The following ALS2 variants were observed in gnomAD, a reference collection of about 807,000 sequenced individuals.
The protein encoded by ALS2 is alsin Rho guanine nucleotide exchange factor ALS2, also known as alsin.
ALS2 carries 117 observed loss-of-function variants against 203.4 expected under a neutral mutation model. The ratio of observed to expected loss-of-function variants is 0.58; its 90% confidence interval spans 0.50 to 0.67. ALS2 has a LOEUF of 0.67. Among genes scored for constraint, ALS2 ranks in the 30% least tolerant of loss-of-function variants. The probability of loss-of-function intolerance (pLI) is 0.00; values close to 1 mark genes in which losing one functional copy is unlikely to be tolerated. For synonymous variants in ALS2, 718 were observed against 725.9 expected, an observed-to-expected ratio of 0.99 and a Z score of 0.17; for missense variants, 1,715 against 1,989.4, an observed-to-expected ratio of 0.86 and a Z score of 2.62.
chr2:201,732,134 T>A (rs945840953), intron 13 of ALS2, among the ~76,000 whole-genome samples: 1 of 152,140 alleles, frequency 6.6e-6, no homozygotes, highest in African/African-American at 2.4e-5. Flanking sequence ...ACCTTGTAGG[T>A]CTTTTCTTTA....
intron 1 of ALS2, among the ~76,000 whole-genome samples, chr2:201,774,363 G>A (rs1694558649): frequency 6.6e-6 from 1 of 152,186 alleles, no homozygotes; most frequent in Non-Finnish European, 1.5e-5. Context: ...ACAGATATAA[G>A]CAGAATTATA....
intron 23 of ALS2, among the ~76,000 whole-genome samples, chr2:201,721,219 T>A (rs1690774697): frequency 1.3e-5 from 2 of 152,236 alleles, no homozygotes; most frequent in African/African-American, 4.8e-5. Flanking sequence ...AGAGTCAATA[T>A]TAAGATGGCA....
At chr2:201,747,213 C>T (rs528538787) in intron 8 of ALS2, among the ~76,000 whole-genome samples, 1 of 152,210 alleles carries the variant, frequency 6.6e-6, no homozygotes, top group East Asian at 1.9e-4. Context: ...CTCTTGGGTG[C>T]TAAAATTCAG....
chr2:201,706,759 T>C (rs1006714750), intron 29 of ALS2, 87 bp downstream of exon 29: 12 of 1,355,862 alleles, frequency 8.9e-6, no homozygotes, highest in Non-Finnish European at 3.2e-6. Flanking sequence ...ATATATATAA[T>C]TAGATATCAA....
chr2:201,725,214 G>T, intron 20 of ALS2, 142 bp downstream of exon 20: 2 of 712,248 alleles, frequency 2.8e-6, no homozygotes, highest in Non-Finnish European at 2.5e-6. Context: ...ATCACACAGA[G>T]TTTCAATTTT....
At chr2:201,754,326 T>C (rs372217119) in intron 6 of ALS2, among the ~76,000 whole-genome samples, 177 bp downstream of exon 6, 3 of 152,136 alleles carry the variant, frequency 2.0e-5, no homozygotes, top group East Asian at 3.9e-4. Context: ...TCCTTTACTG[T>C]TAAGAACAAA....
chr2:201,720,105 T>C (rs1284499868), intron 23 of ALS2: 2 of 423,084 alleles, frequency 4.7e-6, no homozygotes, highest in Non-Finnish European at 9.3e-6. Context: ...ACTTCCCAAC[T>C]TGTTCTATGA....
chr2:201,749,831 T>C, intron 7 of ALS2, 42 bp from the exon 8 acceptor site: 13 of 1,514,012 alleles, frequency 8.6e-6, no homozygotes, highest in Non-Finnish European at 1.2e-5. Flanking sequence ...GTTGTGAATC[T>C]GATTTTGCAC....
intron 27 of ALS2, 58 bp downstream of exon 27, chr2:201,709,823 A>C: frequency 6.2e-7 from 1 of 1,604,854 alleles, no homozygotes; most frequent in Non-Finnish European, 8.5e-7. Flanking sequence ...AAACTACCCA[A>C]GCACTGGTAT....
chr2:201,707,591 T>G (rs889885202), intron 28 of ALS2, among the ~76,000 whole-genome samples: 9 of 151,836 alleles, frequency 5.9e-5, no homozygotes, highest in African/African-American at 2.2e-4. Context: ...CACCATGCCC[T>G]GCTAATTTTT....
intron 10 of ALS2, among the ~76,000 whole-genome samples, chr2:201,743,270 GA>G (rs969593271): frequency 2.0e-5 from 3 of 151,944 alleles, no homozygotes; most frequent in African/African-American, 7.3e-5. Flanking sequence ...TTTGAAATAG[GA>G]AAAGTTTATC....
intron 11 of ALS2, among the ~76,000 whole-genome samples, chr2:201,739,134 G>A (rs1157654456): frequency 6.6e-6 from 1 of 150,938 alleles, no homozygotes; most frequent in African/African-American, 2.4e-5. Context: ...AACTACTTGG[G>A]AGGCTGAGGT....
intron 31 of ALS2, among the ~76,000 whole-genome samples, 179 bp downstream of exon 31, chr2:201,704,960 G>C (rs1398262607): frequency 6.6e-6 from 1 of 152,168 alleles, no homozygotes; most frequent in Non-Finnish European, 1.5e-5. Flanking sequence ...GGTCATTTTA[G>C]AGTAAAAGAT....
rs765396371 is a variant in ALS2 at position 201,707,886 on chromosome 2, A to T, written c.4386T>A (p.Ser1462=). Residue 1462 remains serine, a synonymous_variant, in exon 28 of 34, where the codon TCT becomes TCA. Transcript: ENST00000264276. ...CCATTTACCCTGGCTCTGGTGATTC[A>T]GATCGGGAATCTGACTTCCCAGTGC... ...SFCTGKSDSR[S]ESPEPGYVVT... 1.2e-6 allele frequency: 2 copies of T among 1,613,450 alleles called. No homozygotes were observed. Among genetic ancestry groups the T allele is most frequent in the Non-Finnish European group, 1.7e-6 (2 of 1,179,562 alleles).
At position 201,707,015 on chromosome 2, in the gene ALS2, C is replaced by G; in HGVS notation, c.4411G>C (p.Val1471Leu). 1 of 1,613,020 alleles carries G rather than the reference C, an allele frequency of 6.2e-7. No individual in the cohort carries two copies. Among genetic ancestry groups the G allele is most frequent in the Non-Finnish European group, 8.5e-7 (1 of 1,179,440 alleles). ...GGAAGCAATAATCCAGAACTCGTTACTACATAACTACAAAATAATGGAGTG... is the reference window on the plus strand; with the variant it reads ...GGAAGCAATAATCCAGAACTCGTTAGTACATAACTACAAAATAATGGAGTG... ...RSESPEPGYV[V>L]TSSGLLLPVL... is the part of the protein sequence containing the mutation. The change falls in exon 29 of 34, where the codon GTA becomes CTA. Residue 1471 changes from valine (V) to leucine (L), a missense_variant. Val to Leu is a conservative substitution (Grantham distance 32, BLOSUM62 1). Around this residue, in one of 3 missense-constraint regions of ALS2, gnomAD observed 1,227 missense variants for 1,413.5 expected, o/e 0.87. Coordinates refer to ENST00000264276, the MANE Select transcript of ALS2 (RefSeq NM_020919.4).
At chr2:201,746,787 G>A (rs1012114858) in intron 8 of ALS2, 39 bp from the exon 9 acceptor site, 6 of 1,610,602 alleles carry the variant, frequency 3.7e-6, no homozygotes, top group Non-Finnish European at 4.2e-6. Context: ...CAAGATAAAG[G>A]CAATCAGAGA....
intron 10 of ALS2, among the ~76,000 whole-genome samples, chr2:201,743,261 T>G (rs1380073419): frequency 6.6e-6 from 1 of 151,906 alleles, no homozygotes; most frequent in African/African-American, 2.4e-5. Flanking sequence ...GAAAAAAAAT[T>G]TGAAATAGGA....
chr2:201,759,655 T>C, intron 4 of ALS2: 2 of 985,100 alleles, frequency 2.0e-6, no homozygotes, highest in Non-Finnish European at 2.4e-6. Context: ...AGCTTATCCT[T>C]GATTTTTTTA....
At chr2:201,705,837 T>G (rs1452304143) in intron 29 of ALS2, among the ~76,000 whole-genome samples, 1 of 152,024 alleles carries the variant, frequency 6.6e-6, no homozygotes, top group Non-Finnish European at 1.5e-5. Context: ...TAATCCCAGC[T>G]AGCTGGGAGG....
Sources: gnomAD v4.1 joint callset for allele counts (sites outside exome capture counted in the v4.1 genomes callset) on GRCh38, gnomAD v4.1.1 for gene constraint, gnomAD v4.1.1 regional missense constraint, MANE v1.5 for transcripts, NCBI Gene and HGNC (gene_info 2026-07-23, HGNC 2026-07-21) for gene names.